Variants in SLC25A6 observed in about 807,000 individuals in gnomAD.
SLC25A6 encodes solute carrier family 25 member 6.
A neutral mutation model predicts 25.7 loss-of-function variants in SLC25A6; 9 were observed. That is an observed-to-expected ratio of 0.35 (90% CI 0.21 to 0.61). SLC25A6 has a LOEUF of 0.61. Among genes scored for constraint, SLC25A6 ranks in the 20% least tolerant of loss-of-function variants. The pLI, the probability that SLC25A6 is intolerant of heterozygous loss-of-function variation, is 0.76. For synonymous variants in SLC25A6, 223 were observed against 197.0 expected, an observed-to-expected ratio of 1.13 and a Z score of -1.11; for missense variants, 404 against 440.5, an observed-to-expected ratio of 0.92 and a Z score of 0.74.
Position 1,386,513 on chromosome X carries a change from C to T in SLC25A6, c.*89G>A, listed in dbSNP as rs2089325888. 2.4e-5 allele frequency: 32 copies of T among 1,342,068 alleles called. No homozygotes were observed. Among genetic ancestry groups the T allele is most frequent in the African/African-American group, 3.0e-5 (2 of 66,220 alleles). The allele number at this position is 1,342,068 out of a possible 1,614,324, so 83.1% of individuals were successfully genotyped here. ...TGGGAAAAAGACAACTGGAATTTCT[C>T]GAAGGTTGATGGTCCGCACGGTTGA... On this transcript the variant is annotated 3_prime_UTR_variant, in exon 4 of 4. Transcript: ENST00000381401.
At chrX:1,386,878 T>C in intron 3 of SLC25A6, 119 bp from the exon 4 acceptor site, 1 of 1,244,928 alleles carries the variant, frequency 8.0e-7, no homozygotes, top group East Asian at 2.4e-5. Flanking sequence ...GCCACAGTTC[T>C]GATTACAGGA....
At chrX:1,389,189 C>A (rs1440988370) in intron 2 of SLC25A6, 52 bp downstream of exon 2, 1 of 1,574,708 alleles carries the variant, frequency 6.4e-7, no homozygotes, top group South Asian at 1.2e-5. Flanking sequence ...CCTGGGGGAA[C>A]GTCTGTGTGT....
intron 2 of SLC25A6, 64 bp downstream of exon 2, chrX:1,389,177 A>T (rs1199960611): frequency 1.3e-6 from 2 of 1,552,484 alleles, no homozygotes; most frequent in Admixed American, 1.8e-5. Flanking sequence ...AGCCCACAGG[A>T]CCCTGGGGGA....
rs760607039 is a variant in SLC25A6 at position 1,389,312 on chromosome X, C to T, written c.527G>A (p.Gly176Asp). The change falls in exon 2 of 4, where the codon GGC becomes GAC. Residue 176 changes from glycine (G) to aspartate (D), a missense_variant. Physicochemically the swap from Gly to Asp is moderately conservative, Grantham distance 94. Transcript: ENST00000381401. The stretch of plus-strand genomic sequence containing the variant: ...GATGCCCTGCACGGAGACACTGAAG[C>T]CCTGGTACAGGCCCCGGATGCCGTC... ...KSDGIRGLYQ[G>D]FSVSVQGIII... 6.2e-7 allele frequency: 1 copy of T among 1,613,888 alleles called. No homozygotes were observed. Among genetic ancestry groups the T allele is most frequent in the South Asian group, 1.1e-5 (1 of 91,076 alleles).
At position 1,386,858 on chromosome X, in the gene SLC25A6, A is replaced by C. The variant is rs1367503382; in HGVS notation, c.740-99T>G. The C allele has an allele frequency of 4.3e-6, 6 of 1,380,576 alleles. No homozygotes were observed. In the African/African-American group the frequency reaches 8.7e-5, roughly 20 times the overall value. The allele number at this position is 1,380,576 out of a possible 1,614,324, so 85.5% of individuals were successfully genotyped here. On this transcript the variant is annotated intron_variant, in intron 3 of 3. Transcript: ENST00000381401. Reference sequence around the variant, plus strand: ...AGACGTTTCACAGAAATAACACCCCAGACGCCTGAGCCACAGTTCTGATTA... The same window carrying C: ...AGACGTTTCACAGAAATAACACCCCCGACGCCTGAGCCACAGTTCTGATTA...
At chrX:1,388,391 G>A (rs1248004848) in intron 2 of SLC25A6, among the ~76,000 whole-genome samples, 1 of 151,442 alleles carries the variant, frequency 6.6e-6, no homozygotes, top group Non-Finnish European at 1.5e-5. Flanking sequence ...GGACGACCCT[G>A]TGAGGACACA....
At chrX:1,387,691 G>A (rs1384786855) in intron 2 of SLC25A6, among the ~76,000 whole-genome samples, 2 of 152,204 alleles carry the variant, frequency 1.3e-5, no homozygotes, top group African/African-American at 4.8e-5. Context: ...GAAGGGAATA[G>A]GGCCCTGACC....
chrX:1,389,548 C>A lies in SLC25A6; in HGVS notation c.291G>T (p.Gln97His), dbSNP rs374917258. Residue 97 changes from glutamine to histidine, a missense_variant, in exon 2 of 4, where the codon CAG becomes CAT. Transcript: ENST00000381401. Reference sequence around the variant, plus strand: ...GCTTGTCCACGCCCCCCAGGAAGATCTGCTTGTACTTATCCTTGAAGGCGA... The same window carrying A: ...GCTTGTCCACGCCCCCCAGGAAGATATGCTTGTACTTATCCTTGAAGGCGA... ...LNFAFKDKYK[Q>H]IFLGGVDKHT... The A allele has an allele frequency of 3.1e-6, 5 of 1,614,110 alleles. No homozygotes were observed. In the Admixed American group the frequency reaches 5.0e-5, roughly 16 times the overall value.
In SLC25A6 at chrX:1,386,640, C is replaced by G; in HGVS notation, c.859G>C (p.Val287Leu). 1.3e-6 allele frequency: 2 copies of G among 1,598,138 alleles called. No individual in the cohort carries two copies. The highest frequency in any genetic ancestry group is 1.7e-6 in the Non-Finnish European group (2 of 1,172,420). ...TTGAGCTCGTCGTACAGGACCAGCA[C>G]GAAGGCGCCCCCCATGCCCCGCAGG... is the stretch of plus-strand genomic sequence containing the variant. Reference protein sequence around the residue: ...NVLRGMGGAFVLVLYDELKKV... With the variant: ...NVLRGMGGAFLLVLYDELKKV... Residue 287 changes from valine (V) to leucine (L), a missense_variant, in exon 4 of 4, where the codon GTG becomes CTG. Physicochemically the swap from Val to Leu is conservative, Grantham distance 32 (BLOSUM62 1). Coordinates refer to ENST00000381401, the MANE Select transcript of SLC25A6 (RefSeq NM_001636.4).
In SLC25A6 at chrX:1,392,051, CG is replaced by C. The variant is rs769455907; in HGVS notation, c.-43del. On this transcript the variant is annotated 5_prime_UTR_variant, in exon 1 of 4. Transcript: ENST00000381401. ...GCGGAACGGGAGGACAGCCGGAGAA[CG>C]GGCGCGGAGAGTGAATGGAGGGCGT... 1 of 1,488,120 alleles carries C rather than the reference CG, an allele frequency of 6.7e-7. No homozygotes were observed. The allele number at this position is 1,488,120 out of a possible 1,614,324, so 92.2% of individuals were successfully genotyped here.
chrX:1,387,597 G>A (rs1306017427), intron 2 of SLC25A6, among the ~76,000 whole-genome samples, 178 bp from the exon 3 acceptor site: 1 of 151,846 alleles, frequency 6.6e-6, no homozygotes, highest in Non-Finnish European at 1.5e-5. Flanking sequence ...AGAGGTCGGG[G>A]CAGGGCCAGA....
intron 2 of SLC25A6, among the ~76,000 whole-genome samples, chrX:1,388,752 T>C (rs1449639568): frequency 6.6e-6 from 1 of 150,760 alleles, no homozygotes; most frequent in East Asian, 2.0e-4. Context: ...CCACCCAGTC[T>C]ATGGTATTCT....
chrX:1,386,453 G>C lies in SLC25A6; in HGVS notation c.*149C>G, dbSNP rs2089325163. ...TGGATCGCAATGCGCCCCTTTTCTAGAGCCTTCCCCGGCCATCTACAGGCA... is the reference window on the plus strand; with the variant it reads ...TGGATCGCAATGCGCCCCTTTTCTACAGCCTTCCCCGGCCATCTACAGGCA... On this transcript the variant is annotated 3_prime_UTR_variant, in exon 4 of 4. Transcript: ENST00000381401. 2.7e-6 allele frequency: 3 copies of C among 1,091,428 alleles called. No homozygotes were observed. Among genetic ancestry groups the C allele is most frequent in the South Asian group, 2.2e-5 (1 of 46,158 alleles). The allele number at this position is 1,091,428 out of a possible 1,614,324, so 67.6% of individuals were successfully genotyped here.
chrX:1,387,179 TG>T (rs1301160528), intron 3 of SLC25A6, 99 bp downstream of exon 3: 1 of 1,454,430 alleles, frequency 6.9e-7, no homozygotes, highest in Non-Finnish European at 9.4e-7. Context: ...TCACACGCCC[TG>T]GAAGTGCCTC....
chrX:1,391,075 A>G (rs188388339), intron 1 of SLC25A6, among the ~76,000 whole-genome samples: 1 of 152,130 alleles, frequency 6.6e-6, no homozygotes, highest in African/African-American at 2.4e-5. Flanking sequence ...CAAACTCCTG[A>G]GCTCACGCGA....
At chrX:1,388,563 G>A (rs2089358160) in intron 2 of SLC25A6, among the ~76,000 whole-genome samples, 1 of 149,942 alleles carries the variant, frequency 6.7e-6, no homozygotes, top group East Asian at 2.0e-4. Context: ...GCCTGAAATG[G>A]ACTAAGACAT....
At chrX:1,391,659 C>T (rs2089413951) in intron 1 of SLC25A6, among the ~76,000 whole-genome samples, 1 of 152,242 alleles carries the variant, frequency 6.6e-6, no homozygotes, top group South Asian at 2.1e-4. Flanking sequence ...CATGCGCCCT[C>T]CAATCCGTGC....
intron 2 of SLC25A6, among the ~76,000 whole-genome samples, chrX:1,387,692 G>A (rs2089343777): frequency 6.6e-6 from 1 of 152,166 alleles, no homozygotes; most frequent in Admixed American, 6.5e-5. Context: ...AAGGGAATAG[G>A]GCCCTGACCT....
chrX:1,391,093 C>T (rs751696480), intron 1 of SLC25A6, among the ~76,000 whole-genome samples: 3 of 152,058 alleles, frequency 2.0e-5, no homozygotes, highest in African/African-American at 4.8e-5. Flanking sequence ...CGATCCTCTC[C>T]GGGCCTCTCA....
Sources: allele counts gnomAD v4.1 joint callset (sites outside exome capture counted in the v4.1 genomes callset), GRCh38; gene constraint gnomAD v4.1.1; transcripts MANE v1.5; gene names NCBI Gene and HGNC (gene_info 2026-07-23, HGNC 2026-07-21).